The following SAMMSON variants were observed in gnomAD, a reference collection of about 807,000 sequenced individuals.
SAMMSON encodes the protein survival associated mitochondrial melanoma specific oncogenic non-coding RNA.
At chr3:70,382,158 G>T (rs549262920) in intron 9 of SAMMSON, among the ~76,000 whole-genome samples, 1 of 151,978 alleles carries the variant, frequency 6.6e-6, no homozygotes, top group Non-Finnish European at 1.5e-5. Flanking sequence ...GGTATATAAA[G>T]GTTCAGTTTC....
intron 7 of SAMMSON, among the ~76,000 whole-genome samples, chr3:70,337,027 A>ATT (rs1235239860): frequency 7.2e-6 from 1 of 139,098 alleles, no homozygotes; most frequent in Non-Finnish European, 1.6e-5. Context: ...TATTATTATT[A>ATT]ATAATAATAT....
intron 6 of SAMMSON, among the ~76,000 whole-genome samples, chr3:70,280,966 T>C (rs1702076791): frequency 6.6e-6 from 1 of 152,214 alleles, no homozygotes. Context: ...TGTGATCGTA[T>C]TTCTACACAG....
chr3:70,401,775 T>A (rs1048178432), intron 2 of SAMMSON, among the ~76,000 whole-genome samples: 1 of 152,146 alleles, frequency 6.6e-6, no homozygotes, highest in African/African-American at 2.4e-5. Flanking sequence ...TTAGCAAAAA[T>A]TTTCCTTTTG....
intron 3 of SAMMSON, among the ~76,000 whole-genome samples, chr3:70,062,474 G>T (rs2107592284): frequency 6.6e-6 from 1 of 152,164 alleles, no homozygotes; most frequent in East Asian, 1.9e-4. Context: ...GACAGACTCT[G>T]GTTTGCTCAC....
intron 7 of SAMMSON, among the ~76,000 whole-genome samples, chr3:70,334,764 A>T (rs981063751): frequency 6.6e-6 from 1 of 152,120 alleles, no homozygotes; most frequent in Admixed American, 6.5e-5. Flanking sequence ...GTTGCTAATG[A>T]ATTAAAGAGC....
Position 70,346,324 on chromosome 3 carries a change from T to TC in SAMMSON, n.740-7851_740-7850insC, listed in dbSNP as rs1201486739. Reference sequence around the variant, plus strand: ...CTTTTGCTCATTGTTTTTTTTTTTTTTCACTTTTGGTGTTGTATATAAAAA... The same window carrying TC: ...CTTTTGCTCATTGTTTTTTTTTTTTTCTCACTTTTGGTGTTGTATATAAAAA... On this transcript the variant is annotated intron_variant and non_coding_transcript_variant, in intron 7 of 9. Transcript: ENST00000642114. Among the ~76,000 whole-genome samples, 5 of 152,014 alleles carry TC rather than the reference T, an allele frequency of 3.3e-5. No individual in the cohort carries two copies. In the South Asian group the frequency reaches 8.3e-4, roughly 25 times the overall value.
intron 3 of SAMMSON, among the ~76,000 whole-genome samples, chr3:70,018,790 C>G: frequency 6.6e-6 from 1 of 152,126 alleles, no homozygotes; most frequent in East Asian, 1.9e-4. Context: ...TGTCTTTGTT[C>G]TCATTGGTGT....
At chr3:70,393,229 C>G (rs1701064065), downstream of SAMMSON, among the ~76,000 whole-genome samples, 1 of 152,150 alleles carries the variant, frequency 6.6e-6, no homozygotes, top group Admixed American at 6.6e-5. Context: ...GCTGGTACAC[C>G]AGTGTTTAAT....
intron 7 of SAMMSON, among the ~76,000 whole-genome samples, chr3:70,338,031 T>G (rs1702680097): frequency 6.6e-6 from 1 of 151,700 alleles, no homozygotes; most frequent in Admixed American, 6.6e-5. Context: ...CTGTTTTTAT[T>G]ATTTATTGAC....
At chr3:70,188,749 A>G (rs746538335) in intron 4 of SAMMSON, among the ~76,000 whole-genome samples, 6 of 152,178 alleles carry the variant, frequency 3.9e-5, no homozygotes, top group Non-Finnish European at 8.8e-5. Context: ...CAATGACCCA[A>G]TAGGGTAGGT....
At chr3:70,393,850 A>T (rs1414879107), downstream of SAMMSON, among the ~76,000 whole-genome samples, 3 of 152,112 alleles carry the variant, frequency 2.0e-5, no homozygotes, top group Admixed American at 6.6e-5. Flanking sequence ...TTTGCTGAAG[A>T]GTTGGACTTC....
chr3:70,398,111 C>G (rs971968796), intron 2 of SAMMSON, among the ~76,000 whole-genome samples: 10 of 152,052 alleles, frequency 6.6e-5, no homozygotes, highest in African/African-American at 2.4e-4. Context: ...GCAATTCCAT[C>G]AGAGCAACTT....
At chr3:70,137,626 A>G (rs560840872) in intron 4 of SAMMSON, 1 of 152,198 alleles carries the variant, frequency 6.6e-6, no homozygotes, top group Non-Finnish European at 1.5e-5. Context: ...GTCTACACTT[A>G]CACTGTCCAA....
At chr3:70,153,933 A>G (rs1325867496) in intron 4 of SAMMSON, among the ~76,000 whole-genome samples, 4 of 151,976 alleles carry the variant, frequency 2.6e-5, no homozygotes, top group African/African-American at 9.7e-5. Flanking sequence ...TAGGTACCTC[A>G]TATAAGTGGA....
intron 3 of SAMMSON, among the ~76,000 whole-genome samples, chr3:70,023,267 T>C (rs553718812): frequency 1.2e-3 from 184 of 151,778 alleles, no homozygotes; most frequent in Middle Eastern, 3.4e-3. Context: ...CCATCCTGGC[T>C]AACAAAGCGA....
intron 3 of SAMMSON, chr3:70,015,246 AC>A (rs2066978018): frequency 6.6e-6 from 1 of 152,178 alleles, no homozygotes. Flanking sequence ...ATGCCACTGC[AC>A]TGCAGCTTGG....
chr3:70,194,108 A>G (rs952198980), intron 4 of SAMMSON, among the ~76,000 whole-genome samples: 9 of 152,238 alleles, frequency 5.9e-5, no homozygotes, highest in African/African-American at 2.2e-4. Flanking sequence ...TTACAGAAGC[A>G]ATGGTTTTAT....
intron 4 of SAMMSON, among the ~76,000 whole-genome samples, chr3:70,181,063 C>T (rs957786005): frequency 5.3e-5 from 8 of 152,118 alleles, no homozygotes; most frequent in African/African-American, 1.7e-4. Flanking sequence ...TGGAATTTAT[C>T]ATGGGAACAG....
chr3:70,312,585 C>G (rs1702463841), intron 7 of SAMMSON: 1 of 152,236 alleles, frequency 6.6e-6, no homozygotes, highest in Admixed American at 6.5e-5. Context: ...AGGTGTGGGA[C>G]TGGGGAGCAG....
Sources: gnomAD v4.1 joint callset for allele counts (sites outside exome capture counted in the v4.1 genomes callset) on GRCh38, gnomAD v4.1.1 for gene constraint, MANE v1.5 for transcripts, NCBI Gene and HGNC (gene_info 2026-07-23, HGNC 2026-07-21) for gene names.